The following GRIK3 variants were observed in gnomAD, a reference collection of about 807,000 sequenced individuals.
GRIK3 encodes the protein glutamate receptor ionotropic, kainate 3.
A neutral mutation model predicts 102.5 loss-of-function variants in GRIK3; 29 were observed. The observed-to-expected ratio is 0.28, with a 90% CI of 0.21 to 0.39. GRIK3 has a LOEUF of 0.39. GRIK3 is among the 10% of genes least tolerant of loss of function. GRIK3 has a pLI of 1.00. For missense variants in GRIK3, 908 were observed against 1,252.4 expected, an observed-to-expected ratio of 0.73 and a Z score of 4.15; for synonymous variants, 511 against 504.9, an observed-to-expected ratio of 1.01 and a Z score of -0.16.
chr1:37,028,816 C>T (rs923215072), intron 1 of GRIK3, among the ~76,000 whole-genome samples: 1 of 152,184 alleles, frequency 6.6e-6, no homozygotes, highest in Non-Finnish European at 1.5e-5. Flanking sequence ...AAGCTTAGTT[C>T]CCTCACCTGT....
intron 2 of GRIK3, among the ~76,000 whole-genome samples, chr1:36,885,802 G>GC: frequency 6.6e-6 from 1 of 152,284 alleles, no homozygotes; most frequent in Non-Finnish European, 1.5e-5. Flanking sequence ...TGATCACACT[G>GC]CAGTAATTAC....
intron 2 of GRIK3, among the ~76,000 whole-genome samples, chr1:36,885,575 A>G (rs1194216066): frequency 1.3e-5 from 2 of 152,212 alleles, no homozygotes; most frequent in Non-Finnish European, 2.9e-5. Context: ...CTTGCATAGC[A>G]GGAAGCATCA....
intron 1 of GRIK3, among the ~76,000 whole-genome samples, chr1:36,962,960 G>A (rs895227482): frequency 1.6e-4 from 24 of 151,912 alleles, no homozygotes; most frequent in Non-Finnish European, 2.6e-4. Flanking sequence ...GAGATGACCT[G>A]GGGTGGGTAG....
chr1:36,864,236 G>C (rs1203450210), intron 5 of GRIK3, among the ~76,000 whole-genome samples: 2 of 152,180 alleles, frequency 1.3e-5, no homozygotes, highest in Non-Finnish European at 2.9e-5. Context: ...GCCTGGGGTG[G>C]AGGATGAGAT....
chr1:36,826,725 C>A (rs1251875952), intron 10 of GRIK3, among the ~76,000 whole-genome samples: 1 of 151,266 alleles, frequency 6.6e-6, no homozygotes, highest in African/African-American at 2.4e-5. Flanking sequence ...AAATCCAGGG[C>A]CTTTATTAAT....
In GRIK3 at chr1:36,939,243, C is replaced by T. The variant is rs141575010; in HGVS notation, c.116-48147G>A. On this transcript the variant is annotated intron_variant, in intron 1 of 15. Transcript: ENST00000373091. Reference sequence around the variant, plus strand: ...GAGCGGGGCGGAGAGGTGCAGCCCCCAAGGGGAGTAGCAACATCAGAACAG... The same window carrying T: ...GAGCGGGGCGGAGAGGTGCAGCCCCTAAGGGGAGTAGCAACATCAGAACAG... 5.7e-3 allele frequency among the ~76,000 whole-genome samples: 875 copies of T among 152,346 alleles called. 9 individuals are homozygous for T. The highest frequency in any genetic ancestry group is 0.02 in the African/African-American group (841 of 41,580).
intron 9 of GRIK3, among the ~76,000 whole-genome samples, chr1:36,846,935 C>T (rs1291250919): frequency 3.9e-5 from 6 of 152,244 alleles, no homozygotes; most frequent in Non-Finnish European, 7.3e-5. Context: ...CATCCTCTAT[C>T]CCCATCAGGG....
chr1:36,998,478 C>T (rs556878289), intron 1 of GRIK3, among the ~76,000 whole-genome samples: 1 of 152,350 alleles, frequency 6.6e-6, no homozygotes, highest in African/African-American at 2.4e-5. Context: ...GGTATAGACA[C>T]AGAAGATGCT....
intron 2 of GRIK3, among the ~76,000 whole-genome samples, chr1:36,883,881 C>A (rs1469456504): frequency 6.6e-6 from 1 of 152,186 alleles, no homozygotes; most frequent in East Asian, 1.9e-4. Flanking sequence ...CCCACTGCCT[C>A]CTGGAAATGG....
intron 5 of GRIK3, among the ~76,000 whole-genome samples, chr1:36,863,296 C>T (rs1369920807): frequency 6.6e-6 from 1 of 152,134 alleles, no homozygotes; most frequent in Non-Finnish European, 1.5e-5. Context: ...TGCCCACTGC[C>T]AGGGCAGTCA....
chr1:36,980,928 C>G (rs188583377), intron 1 of GRIK3, among the ~76,000 whole-genome samples: 1 of 152,242 alleles, frequency 6.6e-6, no homozygotes, highest in African/African-American at 2.4e-5. Flanking sequence ...CCCTTTGCCC[C>G]CTTCCTGTCC....
At position 37,031,941 on chromosome 1, in the gene GRIK3, G is replaced by A. The variant is rs571425779; in HGVS notation, c.115+2053C>T. 2.7e-3 allele frequency among the ~76,000 whole-genome samples: 413 copies of A among 152,290 alleles called. 1 individual carries two copies. The highest frequency in any genetic ancestry group is 9.4e-3 in the African/African-American group (391 of 41,560). On this transcript the variant is annotated intron_variant, in intron 1 of 15. Coordinates refer to ENST00000373091, the MANE Select transcript of GRIK3 (RefSeq NM_000831.4). The stretch of plus-strand genomic sequence containing the variant: ...CCTCCGCCCAAACTGGCACAGCTCT[G>A]GCAGTCACGTTTGGCGCAGGCACAA...
chr1:36,846,382 G>A (rs1238577028), intron 9 of GRIK3, among the ~76,000 whole-genome samples: 2 of 152,190 alleles, frequency 1.3e-5, no homozygotes, highest in East Asian at 3.9e-4. Flanking sequence ...AGAATAGCAG[G>A]TAGGTTTGGT....
intron 7 of GRIK3, among the ~76,000 whole-genome samples, chr1:36,854,848 T>A (rs1466444447): frequency 6.6e-6 from 1 of 152,188 alleles, no homozygotes; most frequent in Admixed American, 6.5e-5. Flanking sequence ...GCAAGGATCA[T>A]GGTTCCCACT....
Position 36,797,848 on chromosome 1 carries a change from G to T in GRIK3, c.*4003C>A, listed in dbSNP as rs563575398. On this transcript the variant is annotated 3_prime_UTR_variant, in exon 16 of 16. Transcript: ENST00000373091. ...GTAGGCAGAAAGGGAGCTTTTGATC[G>T]TTCTTGGTGAGTGCACGCCTGGTGG... The T allele has an allele frequency of 6.6e-6, 1 of 152,394 alleles. No individual in the cohort carries two copies. The highest frequency in any genetic ancestry group is 1.5e-5 in the Non-Finnish European group (1 of 68,180). 9.4% of individuals were successfully genotyped at this position (152,394 alleles called of 1,614,324 possible). A position where few individuals can be genotyped will look rare whatever the true frequency, so the allele number is the denominator to read the frequency against.
intron 1 of GRIK3, among the ~76,000 whole-genome samples, chr1:36,907,027 C>A (rs1641291081): frequency 6.6e-6 from 1 of 152,110 alleles, no homozygotes; most frequent in Non-Finnish European, 1.5e-5. Context: ...CCCCAAAACT[C>A]TGTACATCTA....
chr1:37,015,852 C>T (rs368548610), intron 1 of GRIK3, among the ~76,000 whole-genome samples: 6 of 152,238 alleles, frequency 3.9e-5, no homozygotes, highest in East Asian at 1.9e-4. Context: ...GATGGGCCTG[C>T]GGCCACTGCG....
intron 7 of GRIK3, among the ~76,000 whole-genome samples, chr1:36,858,121 T>C (rs530301971): frequency 6.6e-6 from 1 of 152,354 alleles, no homozygotes; most frequent in South Asian, 2.1e-4. Context: ...GCCTTGGACA[T>C]GGTCACTCCC....
intron 11 of GRIK3, among the ~76,000 whole-genome samples, chr1:36,825,180 C>T (rs1178321131): frequency 1.3e-5 from 2 of 152,122 alleles, no homozygotes; most frequent in African/African-American, 2.4e-5. Flanking sequence ...GGGCACTGTT[C>T]CCCCTGCTGT....
Sources: allele counts gnomAD v4.1 joint callset (sites outside exome capture counted in the v4.1 genomes callset), GRCh38; gene constraint gnomAD v4.1.1; transcripts MANE v1.5; gene names NCBI Gene and HGNC (gene_info 2026-07-23, HGNC 2026-07-21).